Variants in RLF observed in about 807,000 individuals in gnomAD.
RLF encodes the protein zinc finger protein Rlf.
Under a neutral mutation model 162.9 loss-of-function variants are expected in RLF, and 7 were observed. The ratio of observed to expected loss-of-function variants is 0.04; its 90% CI spans 0.02 to 0.08. The LOEUF is 0.08. Ranked by LOEUF, RLF falls within the 10% of genes least tolerant of loss-of-function variation. RLF has a pLI of 1.00. For missense variants in RLF, 1,664 were observed against 2,244.7 expected (o/e 0.74, Z 5.23); for synonymous variants, 782 against 791.5 (o/e 0.99, Z 0.20).
intron 1 of RLF, among the ~76,000 whole-genome samples, chr1:40,180,660 T>G (rs1642393283): frequency 6.6e-6 from 1 of 152,252 alleles, no homozygotes; most frequent in South Asian, 2.1e-4. Context: ...TTCATATCTT[T>G]TCATGTGCTT....
Position 40,238,911 on chromosome 1 carries a change from T to G in RLF, c.4209T>G (p.Ser1403=). 3 of 1,614,244 alleles carry G rather than the reference T, an allele frequency of 1.9e-6. No homozygotes were observed. The highest frequency in any genetic ancestry group is 2.5e-6 in the Non-Finnish European group (3 of 1,180,034). ...CTAAAGTACTTTCCGAAGCTGGATC[T>G]GCAGCAAGGTTTTCTTGTAACCAGC... is the stretch of plus-strand genomic sequence containing the variant. ...EEPKVLSEAG[S]AARFSCNQPQ... The change falls in exon 8 of 8, where the codon TCT becomes TCG. Residue 1403 remains serine, a synonymous_variant. Coordinates refer to ENST00000372771, the MANE Select transcript of RLF (RefSeq NM_012421.4). This position sits in a 1 kb window ranked among gnomAD's most constrained non-coding sequence, Gnocchi z 5.2.
At chr1:40,181,581 T>TAA (rs1488222275) in intron 1 of RLF, among the ~76,000 whole-genome samples, 5 of 152,258 alleles carry the variant, frequency 3.3e-5, no homozygotes, top group African/African-American at 9.6e-5. Context: ...CTTTTATGGA[T>TAA]AACTCTGTAG....
At chr1:40,189,301 C>A in intron 2 of RLF, 92 bp downstream of exon 2, 1 of 1,018,746 alleles carries the variant, frequency 9.8e-7, no homozygotes, top group Non-Finnish European at 1.5e-6. Flanking sequence ...CACATTTATT[C>A]TTCAGAGCAC....
intron 6 of RLF, among the ~76,000 whole-genome samples, chr1:40,225,159 CAATA>C (rs1404227401): frequency 6.6e-6 from 1 of 151,968 alleles, no homozygotes; most frequent in Non-Finnish European, 1.5e-5. Flanking sequence ...TTAAATGTGA[CAATA>C]AAGTTAAAAT....
chr1:40,175,638 G>A (rs1169994641), intron 1 of RLF, among the ~76,000 whole-genome samples: 5 of 151,856 alleles, frequency 3.3e-5, no homozygotes, highest in Non-Finnish European at 7.4e-5. Context: ...GACAGAGTGA[G>A]ACTCCGACTC....
intron 6 of RLF, among the ~76,000 whole-genome samples, chr1:40,228,698 T>G (rs975561490): frequency 6.6e-6 from 1 of 150,582 alleles, no homozygotes; most frequent in African/African-American, 2.5e-5. Context: ...CGAAGCTCGC[T>G]GCAGCCTTGA....
At chr1:40,180,100 A>G (rs537737662) in intron 1 of RLF, among the ~76,000 whole-genome samples, 4 of 152,328 alleles carry the variant, frequency 2.6e-5, no homozygotes, top group East Asian at 1.9e-4. Flanking sequence ...GGATGTGTAC[A>G]CTGAAATGAA....
At chr1:40,197,868 A>G (rs909334659) in intron 4 of RLF, among the ~76,000 whole-genome samples, 2 of 152,208 alleles carry the variant, frequency 1.3e-5, no homozygotes, top group Admixed American at 1.3e-4. Flanking sequence ...CAGGCCAGAT[A>G]TTTAACATAT....
In RLF at chr1:40,235,598, C is replaced by T. The variant is rs144404170; in HGVS notation, c.1090-194C>T. The stretch of plus-strand genomic sequence containing the variant: ...CAGTGCCTAGTAAATGTACATTGTT[C>T]GTAGTTGTAGCATCTAATTTAGTTC... On this transcript the variant is annotated intron_variant, in intron 7 of 7. Transcript: ENST00000372771. 8.1e-4 allele frequency among the ~76,000 whole-genome samples: 123 copies of T among 152,134 alleles called. 1 individual carries two copies. The highest frequency in any genetic ancestry group is 2.5e-3 in the African/African-American group (103 of 41,502).
intron 6 of RLF, 112 bp downstream of exon 6, chr1:40,222,822 A>T (rs1330367081): frequency 1.5e-5 from 12 of 820,592 alleles, no homozygotes; most frequent in Non-Finnish European, 2.3e-5. Flanking sequence ...ACCTGTGAAT[A>T]GCTTCTTGCT....
intron 5 of RLF, among the ~76,000 whole-genome samples, chr1:40,206,113 A>T (rs56870542): frequency 0.043 from 6,539 of 152,058 alleles, 201 homozygotes; most frequent in South Asian, 0.12. Flanking sequence ...TACCATCTCT[A>T]CTTACAGATT....
At chr1:40,192,465 T>C (rs1177900286) in intron 3 of RLF, among the ~76,000 whole-genome samples, 1 of 152,098 alleles carries the variant, frequency 6.6e-6, no homozygotes, top group African/African-American at 2.4e-5. Flanking sequence ...GCTTACAAAG[T>C]TTTGGATTTG....
In RLF at chr1:40,190,834, C is replaced by T. The variant is rs1415510761; in HGVS notation, c.455C>T (p.Pro152Leu). 6.2e-7 allele frequency: 1 copy of T among 1,612,198 alleles called. No homozygotes were observed. The highest frequency in any genetic ancestry group is 1.7e-5 in the Admixed American group (1 of 59,892). The change falls in exon 3 of 8, where the codon CCA becomes CTA. Residue 152 changes from proline (P) to leucine (L), a missense_variant. By Grantham distance (98) the Pro-to-Leu change is moderately conservative (BLOSUM62 -3). Around this residue, in one of 15 missense-constraint regions of RLF, gnomAD observed 287 missense variants for 404.9 expected, o/e 0.71. Transcript: ENST00000372771. ...ESELPCEVWL[P>L]FLQSLQESHD... Reference sequence around the variant, plus strand: ...GAACTGCCATGTGAAGTCTGGCTACCATTCCTTCAGTCTCTACAGGTGAGT... The same window carrying T: ...GAACTGCCATGTGAAGTCTGGCTACTATTCCTTCAGTCTCTACAGGTGAGT...
At chr1:40,224,623 C>CTTTTTTTTTTTTTTTTTTTTTTTTTTTT (rs1168908018) in intron 6 of RLF, among the ~76,000 whole-genome samples, 5 of 33,262 alleles carry the variant, frequency 1.5e-4, no homozygotes, top group East Asian at 1.4e-3. Context: ...TTTTTGAAAG[C>CTTTTTTTTTTTTTTTTTTTTTTTTTTTT]TTTTTTTTTT....
chr1:40,223,470 A>G (rs910176334), intron 6 of RLF, among the ~76,000 whole-genome samples: 10 of 152,296 alleles, frequency 6.6e-5, no homozygotes, highest in African/African-American at 2.4e-4. Flanking sequence ...AATTCTAAGA[A>G]TGGGTTGGAT....
chr1:40,176,361 A>G (rs2124527889), intron 1 of RLF, among the ~76,000 whole-genome samples: 1 of 152,338 alleles, frequency 6.6e-6, no homozygotes, highest in East Asian at 1.9e-4. Flanking sequence ...TCTCCTCACT[A>G]ACACTTGGTG....
intron 1 of RLF, among the ~76,000 whole-genome samples, chr1:40,167,458 T>C (rs1388086968): frequency 6.6e-6 from 1 of 152,088 alleles, no homozygotes; most frequent in Non-Finnish European, 1.5e-5. Context: ...AAACTTTGGG[T>C]GCTGTCATTT....
intron 6 of RLF, among the ~76,000 whole-genome samples, chr1:40,229,121 A>G (rs1292488507): frequency 6.6e-6 from 1 of 152,190 alleles, no homozygotes; most frequent in Non-Finnish European, 1.5e-5. Flanking sequence ...TCATTTACTC[A>G]TTTATCGTTA....
In RLF at chr1:40,237,368, A is replaced by C; in HGVS notation, c.2666A>C (p.Lys889Thr). 2 of 1,613,878 alleles carry C rather than the reference A, an allele frequency of 1.2e-6. No homozygotes were observed. Among genetic ancestry groups the C allele is most frequent in the Non-Finnish European group, 1.7e-6 (2 of 1,179,956 alleles). Residue 889 changes from lysine (K) to threonine (T), a missense_variant, in exon 8 of 8, where the codon AAA becomes ACA. Lys to Thr is a moderately conservative substitution (Grantham distance 78). Transcript: ENST00000372771. This position sits in a 1 kb window ranked among gnomAD's most constrained non-coding sequence, Gnocchi z 4.4. ...QIDTETAENL[K>T]ENSDSNSSDQ... is the part of the protein sequence containing the mutation. ...GATACAGAAACTGCAGAAAACCTGA[A>C]AGAAAACAGTGACAGTAATTCTAGT...
Sources: gnomAD v4.1 joint callset for allele counts (sites outside exome capture counted in the v4.1 genomes callset) on GRCh38, gnomAD v4.1.1 for gene constraint, gnomAD v4.1.1 regional missense constraint, Gnocchi (gnomAD v3.1) non-coding constraint, MANE v1.5 for transcripts, NCBI Gene and HGNC (gene_info 2026-07-23, HGNC 2026-07-21) for gene names.